The following DGKB variants were observed in gnomAD, a reference collection of about 807,000 sequenced individuals.
DGKB encodes the protein diacylglycerol kinase beta, also known as 90 kDa diacylglycerol kinase.
A neutral mutation model predicts 114.3 loss-of-function variants in DGKB; 67 were observed. That is an observed-to-expected ratio of 0.59 (90% CI 0.48 to 0.72). The LOEUF (loss-of-function observed/expected upper bound fraction) is 0.72, where lower values mean the gene tolerates loss of function less well. DGKB is among the 30% of genes least tolerant of loss of function. The pLI is 0.00. For synonymous variants in DGKB, 398 were observed against 323.1 expected (o/e 1.23, Z -2.49); for missense variants, 907 against 975.2 (o/e 0.93, Z 0.93).
chr7:14,702,799 G>A (rs1825438139), intron 6 of DGKB, among the ~76,000 whole-genome samples: 1 of 152,026 alleles, frequency 6.6e-6, no homozygotes, highest in Admixed American at 6.6e-5. Context: ...TGTATTTAAT[G>A]GTTACTGCAT....
intron 13 of DGKB, among the ~76,000 whole-genome samples, chr7:14,643,357 CA>C (rs11353684): frequency 0.57 from 86,370 of 151,764 alleles, 25,508 homozygotes; most frequent in Admixed American, 0.69. Flanking sequence ...TGTATTGTTC[CA>C]GAGAGGAAAA....
intron 23 of DGKB, among the ~76,000 whole-genome samples, chr7:14,213,325 C>G (rs1346743008): frequency 2.0e-5 from 3 of 151,950 alleles, no homozygotes; most frequent in Non-Finnish European, 4.4e-5. Context: ...AGCATGGCTC[C>G]TTATATGAAT....
intron 20 of DGKB, among the ~76,000 whole-genome samples, chr7:14,512,591 T>C (rs1788150628): frequency 6.6e-6 from 1 of 152,136 alleles, no homozygotes; most frequent in African/African-American, 2.4e-5. Context: ...TATAGACGTC[T>C]CAGGTTTTAG....
intron 13 of DGKB, among the ~76,000 whole-genome samples, chr7:14,663,215 G>A (rs1346663783): frequency 2.6e-5 from 4 of 151,912 alleles, no homozygotes; most frequent in Admixed American, 1.3e-4. Context: ...TCTTAACAAA[G>A]CTTAGGCTTT....
At chr7:14,717,254 G>A (rs1338625282) in intron 6 of DGKB, among the ~76,000 whole-genome samples, 1 of 152,094 alleles carries the variant, frequency 6.6e-6, no homozygotes, top group African/African-American at 2.4e-5. Context: ...TACCATCTTG[G>A]GGAGGATGGA....
rs1319842789 is a variant in DGKB, at chr7:14,444,949, T to C, written c.1835+33212A>G. ...CTGTTAATTCCTTGCAGTAAGTATA[T>C]TTGAGAAATATTATAACTATTTAGT... On this transcript the variant is annotated intron_variant, in intron 21 of 25. Transcript: ENST00000402815. Among the ~76,000 whole-genome samples, 5 of 152,002 alleles carry C rather than the reference T, an allele frequency of 3.3e-5. No homozygotes were observed. The South Asian group carries it at 1.0e-3, about 32-fold the overall frequency.
intron 22 of DGKB, among the ~76,000 whole-genome samples, chr7:14,343,157 C>CCACACACACACACACA (rs3067654): frequency 8.6e-4 from 114 of 132,910 alleles, no homozygotes; most frequent in African/African-American, 1.7e-3. Context: ...GCCTAGCTAT[C>CCACACACACACACACA]CACACACACA....
intron 21 of DGKB, among the ~76,000 whole-genome samples, chr7:14,442,310 A>G (rs1419962439): frequency 6.6e-6 from 1 of 151,794 alleles, no homozygotes; most frequent in Non-Finnish European, 1.5e-5. Context: ...AAATTTCTTT[A>G]TAATATTCTT....
At chr7:14,921,151 T>C (rs1562876958) in intron 1 of DGKB, among the ~76,000 whole-genome samples, 2 of 152,116 alleles carry the variant, frequency 1.3e-5, no homozygotes, top group African/African-American at 4.8e-5. Context: ...AAATAATCAG[T>C]GGTTTCCAGA....
intron 7 of DGKB, among the ~76,000 whole-genome samples, chr7:14,700,723 G>A (rs1295573724): frequency 6.6e-6 from 1 of 152,108 alleles, no homozygotes; most frequent in Non-Finnish European, 1.5e-5. Context: ...CTGCCATAGG[G>A]TGGTCTATCA....
At chr7:14,942,680 C>T (rs1785631461) in intron 1 of DGKB, among the ~76,000 whole-genome samples, 1 of 151,880 alleles carries the variant, frequency 6.6e-6, no homozygotes, top group African/African-American at 2.4e-5. Context: ...ACATGCTTCC[C>T]TTTCAGGTTC....
chr7:14,531,768 T>C (rs1015011917), intron 20 of DGKB, among the ~76,000 whole-genome samples: 7 of 151,444 alleles, frequency 4.6e-5, no homozygotes, highest in Admixed American at 2.0e-4. Flanking sequence ...AGTTACACTA[T>C]CTGATTTAGA....
chr7:14,653,618 C>T (rs1815112695), intron 13 of DGKB, among the ~76,000 whole-genome samples: 1 of 151,050 alleles, frequency 6.6e-6, no homozygotes, highest in Admixed American at 6.6e-5. Flanking sequence ...AACTAACCTG[C>T]ACAATGTGCA....
intron 20 of DGKB, among the ~76,000 whole-genome samples, chr7:14,553,646 T>C (rs1365025777): frequency 6.6e-6 from 1 of 152,128 alleles, no homozygotes; most frequent in Non-Finnish European, 1.5e-5. Flanking sequence ...ATGGGAATGT[T>C]AGCATCATGG....
intron 23 of DGKB, among the ~76,000 whole-genome samples, chr7:14,193,862 T>C (rs1305645506): frequency 6.6e-6 from 1 of 151,900 alleles, no homozygotes; most frequent in Non-Finnish European, 1.5e-5. Context: ...AACCCCCAAA[T>C]ACCTCATTTT....
chr7:14,471,751 A>T (rs1047390256), intron 21 of DGKB, among the ~76,000 whole-genome samples: 1 of 152,118 alleles, frequency 6.6e-6, no homozygotes, highest in African/African-American at 2.4e-5. Context: ...GCACTATAAA[A>T]GCATAAACTA....
At chr7:14,621,521 A>C in intron 14 of DGKB, 27 bp from the exon 15 acceptor site, 1 of 1,353,492 alleles carries the variant, frequency 7.4e-7, no homozygotes, top group Non-Finnish European at 1.0e-6. Flanking sequence ...TTTGATAAAA[A>C]TAAAAATTAG....
intron 23 of DGKB, among the ~76,000 whole-genome samples, chr7:14,298,875 G>T (rs1032403880): frequency 6.6e-6 from 1 of 152,090 alleles, no homozygotes; most frequent in East Asian, 1.9e-4. Flanking sequence ...ATCAAAAAGT[G>T]GGTGAAGGAT....
intron 13 of DGKB, among the ~76,000 whole-genome samples, chr7:14,653,083 G>C (rs561452301): frequency 1.7e-4 from 25 of 151,004 alleles, no homozygotes; most frequent in Middle Eastern, 6.8e-3. Flanking sequence ...CAACCATTGT[G>C]GAAGTCAGTG....
Sources: gnomAD v4.1 joint callset for allele counts (sites outside exome capture counted in the v4.1 genomes callset) on GRCh38, gnomAD v4.1.1 for gene constraint, MANE v1.5 for transcripts, NCBI Gene and HGNC (gene_info 2026-07-23, HGNC 2026-07-21) for gene names.